The following GOLIM4 variants were observed in gnomAD, a reference collection of about 807,000 sequenced individuals.
GOLIM4 encodes the protein 130 kDa golgi-localized phosphoprotein.
In GOLIM4, 71 loss-of-function variants were observed where a neutral mutation model predicts 107.4. That is an observed-to-expected ratio of 0.66 (90% CI 0.55 to 0.81). The LOEUF is 0.81. GOLIM4 is among the 30% of genes least tolerant of loss of function. GOLIM4 has a pLI of 0.00. For synonymous variants in GOLIM4, 327 were observed against 294.8 expected (o/e 1.11, Z -1.12); for missense variants, 830 against 826.1 (o/e 1.00, Z -0.06).
At chr3:168,057,402 T>G (rs1720038717) in intron 1 of GOLIM4, among the ~76,000 whole-genome samples, 1 of 152,186 alleles carries the variant, frequency 6.6e-6, no homozygotes, top group Non-Finnish European at 1.5e-5. Flanking sequence ...CTGGGTAACT[T>G]ATGAACAAAA....
chr3:168,076,240 T>C (rs1019433431), intron 1 of GOLIM4, among the ~76,000 whole-genome samples: 8 of 152,258 alleles, frequency 5.3e-5, no homozygotes, highest in African/African-American at 1.7e-4. Flanking sequence ...TAAGTGAATA[T>C]GGTAATTTTT....
intron 1 of GOLIM4, among the ~76,000 whole-genome samples, chr3:168,072,199 C>G (rs980812985): frequency 9.2e-5 from 14 of 152,098 alleles, no homozygotes; most frequent in African/African-American, 3.4e-4. Flanking sequence ...TTCTATGAAA[C>G]TGGTATTCAT....
chr3:168,057,181 T>C (rs1720024101), intron 1 of GOLIM4, among the ~76,000 whole-genome samples: 1 of 152,238 alleles, frequency 6.6e-6, no homozygotes, highest in Admixed American at 6.5e-5. Flanking sequence ...TCTGCTGCCA[T>C]GTGAGACATG....
chr3:168,029,795 T>G lies in GOLIM4; in HGVS notation c.1418A>C (p.His473Pro), dbSNP rs1318430901. 6.2e-7 allele frequency: 1 copy of G among 1,613,738 alleles called. No individual in the cohort carries two copies. The change falls in exon 10 of 16, where the codon CAC becomes CCC. Residue 473 changes from histidine (H) to proline (P), a missense_variant. His to Pro is a moderately conservative substitution (Grantham distance 77, BLOSUM62 -2). Transcript: ENST00000470487. The part of the protein sequence containing the change: ...QAELEEGRPQ[H>P]QEQLRQQAHY... ...GGAAGGCTACCGGAGCTGCTCCTGG[T>G]GCTGCGGCCGGCCCTCCTCAAGCTC...
chr3:168,090,934 TAGC>T (rs1721875950), intron 1 of GOLIM4, among the ~76,000 whole-genome samples: 1 of 152,150 alleles, frequency 6.6e-6, no homozygotes. Flanking sequence ...AAGTCGAAGA[TAGC>T]ATGTTCTCAT....
At chr3:168,075,443 C>T (rs1013472151) in intron 1 of GOLIM4, among the ~76,000 whole-genome samples, 1 of 150,810 alleles carries the variant, frequency 6.6e-6, no homozygotes, top group Non-Finnish European at 1.5e-5. Flanking sequence ...ACTACAGGCA[C>T]CCGCCACTAC....
chr3:168,026,522 C>T (rs1718003646), intron 12 of GOLIM4, among the ~76,000 whole-genome samples: 2 of 152,000 alleles, frequency 1.3e-5, no homozygotes, highest in South Asian at 4.2e-4. Flanking sequence ...CAGCATGTTC[C>T]CCAAAACAAA....
rs1716851878 is a variant in GOLIM4 at position 168,009,335 on chromosome 3, T to C, written c.*934A>G. On this transcript the variant is annotated 3_prime_UTR_variant, in exon 16 of 16. Coordinates refer to ENST00000470487, the MANE Select transcript of GOLIM4 (RefSeq NM_014498.5). ...TTCATATTTATACTTATTATCAAAG[T>C]GATTGCATATTGAGGCACAGAGCTT... 6.7e-6 allele frequency: 1 copy of C among 149,744 alleles called. No individual in the cohort carries two copies. Among genetic ancestry groups the C allele is most frequent in the African/African-American group, 2.5e-5 (1 of 40,796 alleles). 9.3% of individuals were successfully genotyped at this position (149,744 alleles called of 1,614,324 possible).
In GOLIM4 at chr3:168,024,585, T is replaced by TTC; in HGVS notation, c.1799_1800dup (p.Asn601GlufsTer26). The stretch of plus-strand genomic sequence containing the variant: ...ACATTGTCCTCCTGCTGGTCTGGAT[T>TTC]TCCTGCCATCTGTTGGAAACAAAAG... On this transcript the variant is annotated frameshift_variant, in exon 14 of 16. Coordinates refer to ENST00000470487, the MANE Select transcript of GOLIM4 (RefSeq NM_014498.5). LOFTEE classifies it high-confidence loss of function. 6.2e-7 allele frequency: 1 copy of TTC among 1,613,344 alleles called. No homozygotes were observed.
rs913188536 is a variant in GOLIM4, at chr3:168,015,386, A to G, written c.1861-4563T>C. On this transcript the variant is annotated intron_variant, in intron 14 of 15. Coordinates refer to ENST00000470487, the MANE Select transcript of GOLIM4 (RefSeq NM_014498.5). Reference sequence around the variant, plus strand: ...CTACAAACCACTGCTCAAGAAAATAAAAGAGGATACAAACAAATGGAAGAA... The same window carrying G: ...CTACAAACCACTGCTCAAGAAAATAGAAGAGGATACAAACAAATGGAAGAA... Among the ~76,000 whole-genome samples, 1,195 of 147,416 alleles carry G rather than the reference A, an allele frequency of 8.1e-3. 18 individuals carry two copies. The highest frequency in any genetic ancestry group is 0.03 in the African/African-American group (1,136 of 37,302).
intron 1 of GOLIM4, among the ~76,000 whole-genome samples, chr3:168,072,110 C>T (rs778148158): frequency 2.0e-5 from 3 of 152,152 alleles, no homozygotes; most frequent in Non-Finnish European, 4.4e-5. Flanking sequence ...CCAAATTGCA[C>T]TGATGATCTG....
At chr3:168,076,517 C>T (rs1232496969) in intron 1 of GOLIM4, among the ~76,000 whole-genome samples, 1 of 152,228 alleles carries the variant, frequency 6.6e-6, no homozygotes, top group African/African-American at 2.4e-5. Flanking sequence ...CATGGTGAAA[C>T]TCCGTCTCTA....
chr3:168,095,073 G>C (rs1312257622), intron 1 of GOLIM4, 26 bp downstream of exon 1: 1 of 1,572,290 alleles, frequency 6.4e-7, no homozygotes, highest in Admixed American at 1.7e-5. Flanking sequence ...GTTGGCCACC[G>C]GCTGCGCGCG....
At chr3:168,075,845 A>C (rs1398225547) in intron 1 of GOLIM4, among the ~76,000 whole-genome samples, 4 of 152,178 alleles carry the variant, frequency 2.6e-5, no homozygotes, top group Admixed American at 2.0e-4. Flanking sequence ...GGACATAGAG[A>C]ATCAAATTTT....
intron 14 of GOLIM4, among the ~76,000 whole-genome samples, chr3:168,021,078 A>G (rs1237443431): frequency 1.3e-5 from 2 of 152,194 alleles, no homozygotes; most frequent in Non-Finnish European, 2.9e-5. Flanking sequence ...CATTTTAGAA[A>G]TGAGCCTTAT....
At chr3:168,054,864 A>C (rs528716957) in intron 1 of GOLIM4, among the ~76,000 whole-genome samples, 3 of 152,158 alleles carry the variant, frequency 2.0e-5, no homozygotes, top group South Asian at 4.2e-4. Flanking sequence ...ATCATGGGGC[A>C]GGTTTTTCCT....
chr3:168,027,767 T>C lies in GOLIM4; in HGVS notation c.1584A>G (p.Glu528=). Residue 528 remains glutamate, a synonymous_variant, in exon 12 of 16, where the codon GAA becomes GAG. Transcript: ENST00000470487. ...CTGGGTCGGCTTCTCGGGGTCCTTG[T>C]TCACGAGGCTCATGTCTATTACCTG... The part of the protein sequence containing the change: ...GDPGNRHEPR[E]QGPREADPES... 6.2e-7 allele frequency: 1 copy of C among 1,613,478 alleles called. No individual in the cohort carries two copies.
intron 1 of GOLIM4, among the ~76,000 whole-genome samples, chr3:168,055,913 A>G (rs185288070): frequency 6.6e-6 from 1 of 152,380 alleles, no homozygotes; most frequent in African/African-American, 2.4e-5. Flanking sequence ...GTGACAGAAA[A>G]GAAAATCCCA....
At chr3:168,072,477 A>G (rs1481976121) in intron 1 of GOLIM4, among the ~76,000 whole-genome samples, 2 of 152,196 alleles carry the variant, frequency 1.3e-5, no homozygotes, top group East Asian at 3.8e-4. Flanking sequence ...TCCAAAGCCA[A>G]CTACAGTATA....
Sources: gnomAD v4.1 joint callset for allele counts (sites outside exome capture counted in the v4.1 genomes callset) on GRCh38, gnomAD v4.1.1 for gene constraint, MANE v1.5 for transcripts, NCBI Gene and HGNC (gene_info 2026-07-23, HGNC 2026-07-21) for gene names.